The following PCDHGA4 variants were observed in gnomAD, a reference collection of about 807,000 sequenced individuals.
PCDHGA4 encodes the protein protocadherin gamma-A4.
PCDHGA4 carries 38 observed loss-of-function variants against 54.6 expected under a neutral mutation model. That is an observed-to-expected ratio of 0.70 (90% confidence interval 0.54 to 0.91). The LOEUF (loss-of-function observed/expected upper bound fraction) is 0.91. PCDHGA4 is among the 40% of genes least tolerant of loss of function. PCDHGA4 has a pLI of 0.00. For missense variants in PCDHGA4, 1,298 were observed against 1,220.9 expected, an observed-to-expected ratio of 1.06 and a Z score of -0.94; for synonymous variants, 511 against 512.9, an observed-to-expected ratio of 1.00 and a Z score of 0.05.
At chr5:141,508,835 C>T (rs1190105775) in intron 3 of PCDHGA4, among the ~76,000 whole-genome samples, 12 of 152,158 alleles carry the variant, frequency 7.9e-5, no homozygotes, top group African/African-American at 2.9e-4. Flanking sequence ...CCCCCCTCCC[C>T]TACCCCTTCC....
chr5:141,360,270 G>T (rs1761507525), intron 1 of PCDHGA4: 2 of 1,613,904 alleles, frequency 1.2e-6, no homozygotes, highest in African/African-American at 1.3e-5. Flanking sequence ...CCAAAAACTC[G>T]GTCGTAGGAA....
At chr5:141,481,327 T>C (rs2099535776) in intron 1 of PCDHGA4, among the ~76,000 whole-genome samples, 1 of 152,244 alleles carries the variant, frequency 6.6e-6, no homozygotes, top group Non-Finnish European at 1.5e-5. Context: ...CACTAGCCCC[T>C]GGACAACTAT....
rs1046764113 is a variant in PCDHGA4, at chr5:141,495,395, G to A, written c.2573+530G>A. Among the ~76,000 whole-genome samples the A allele has an allele frequency of 4.1e-4, 62 of 152,326 alleles. 1 individual carries two copies. The highest frequency in any genetic ancestry group is 1.4e-3 in the African/African-American group (57 of 41,576). On this transcript the variant is annotated intron_variant, in intron 2 of 3. Transcript: ENST00000571252. Reference sequence around the variant, plus strand: ...GAGGAAGGACTGGGCGGGGCATGGAGCAGGCCCCCTTCTCCGGCCCCTCCT... The same window carrying A: ...GAGGAAGGACTGGGCGGGGCATGGAACAGGCCCCCTTCTCCGGCCCCTCCT...
At chr5:141,437,460 T>C (rs2097886220) in intron 1 of PCDHGA4, among the ~76,000 whole-genome samples, 1 of 152,230 alleles carries the variant, frequency 6.6e-6, no homozygotes, top group South Asian at 2.1e-4. Flanking sequence ...GAGACTATAC[T>C]ATACTTTTAT....
chr5:141,371,704 C>A, intron 1 of PCDHGA4: 1 of 1,614,030 alleles, frequency 6.2e-7, no homozygotes, highest in Non-Finnish European at 8.5e-7. Context: ...TCCAGCAAGA[C>A]CATCACTCTG....
intron 1 of PCDHGA4, chr5:141,390,721 T>G (rs1454628810): frequency 5.1e-6 from 1 of 195,622 alleles, no homozygotes; most frequent in African/African-American, 2.4e-5. Context: ...CTTAACTAAT[T>G]TAACTGGTAT....
rs2099686717 is a variant in PCDHGA4, at chr5:141,489,403, A to C, written c.2515-5404A>C. The C allele has an allele frequency of 6.2e-7, 1 of 1,614,172 alleles. No homozygotes were observed. Among genetic ancestry groups the C allele is most frequent in the East Asian group, 2.2e-5 (1 of 44,884 alleles). On this transcript the variant is annotated intron_variant, in intron 1 of 3. Coordinates refer to ENST00000571252, the MANE Select transcript of PCDHGA4 (RefSeq NM_018917.4). The surrounding 1 kb of genome is among the most constrained non-coding windows in gnomAD (Gnocchi z 4.5). ...GAATGTTGCTCAGGATCTGGGCTTA[A>C]AGATGACAGATCTGTTGAGCCGGCG...
chr5:141,423,996 A>G (rs1164307988), intron 1 of PCDHGA4: 1 of 1,079,028 alleles, frequency 9.3e-7, no homozygotes, highest in African/African-American at 1.7e-5. Context: ...AATTTATTAT[A>G]TATAGATACA....
Position 141,490,140 on chromosome 5 carries a change from G to T in PCDHGA4, c.2515-4667G>T. On this transcript the variant is annotated intron_variant, in intron 1 of 3. Transcript: ENST00000571252. This position sits in a 1 kb window ranked among gnomAD's most constrained non-coding sequence, Gnocchi z 5.4. Reference sequence around the variant, plus strand: ...TCTTTGGCCTAGACCCTAGCAGTGGGGCAATCCATGTGTTGGGTCCCATAG... The same window carrying T: ...TCTTTGGCCTAGACCCTAGCAGTGGTGCAATCCATGTGTTGGGTCCCATAG... 1 of 1,614,206 alleles carries T rather than the reference G, an allele frequency of 6.2e-7. No homozygotes were observed. The highest frequency in any genetic ancestry group is 8.5e-7 in the Non-Finnish European group (1 of 1,180,026).
intron 1 of PCDHGA4, among the ~76,000 whole-genome samples, chr5:141,401,860 A>G (rs2094201565): frequency 6.6e-6 from 1 of 152,182 alleles, no homozygotes. Flanking sequence ...TTAACCTTTC[A>G]GTAGTTTTCT....
At chr5:141,479,986 C>T (rs2099510881) in intron 1 of PCDHGA4, among the ~76,000 whole-genome samples, 1 of 152,200 alleles carries the variant, frequency 6.6e-6, no homozygotes, top group Non-Finnish European at 1.5e-5. Flanking sequence ...CATTTACCAA[C>T]TAGGAGTCTG....
At chr5:141,364,574 G>A (rs184408500) in intron 1 of PCDHGA4, 1 of 1,614,048 alleles carries the variant, frequency 6.2e-7, no homozygotes, top group African/African-American at 1.3e-5. Context: ...CCCGCGAAGC[G>A]GCAGCTTGGT....
intron 1 of PCDHGA4, chr5:141,403,949 G>T: frequency 1.2e-6 from 2 of 1,613,886 alleles, no homozygotes; most frequent in Non-Finnish European, 1.7e-6. Flanking sequence ...GTGGACAAAA[G>T]TGCTCATTTC....
intron 1 of PCDHGA4, chr5:141,476,000 T>A (rs2099383773): frequency 1.6e-6 from 2 of 1,225,380 alleles, no homozygotes; most frequent in African/African-American, 1.5e-5. Flanking sequence ...ATCAACGGCA[T>A]CCAGAAAGCC....
intron 1 of PCDHGA4, chr5:141,387,676 G>C: frequency 2.7e-6 from 2 of 732,232 alleles, no homozygotes; most frequent in Non-Finnish European, 4.3e-6. Context: ...AGATCTCCTC[G>C]CGCAGCCGCA....
intron 1 of PCDHGA4, chr5:141,389,967 G>C: frequency 8.7e-6 from 14 of 1,614,046 alleles, no homozygotes; most frequent in Non-Finnish European, 1.1e-5. Context: ...GGTGGCCTTG[G>C]CCTTGATCTC....
Position 141,456,287 on chromosome 5 carries a change from C to A in PCDHGA4, c.2515-38520C>A, listed in dbSNP as rs951430060. On this transcript the variant is annotated intron_variant, in intron 1 of 3. Transcript: ENST00000571252. ...CTGGCTACTTCCTGCTGAAAAGGGGCGTCTAATGGAGAACAGCAGCTAGGG... is the reference window on the plus strand; with the variant it reads ...CTGGCTACTTCCTGCTGAAAAGGGGAGTCTAATGGAGAACAGCAGCTAGGG... Among the ~76,000 whole-genome samples, 11 of 152,166 alleles carry A rather than the reference C, an allele frequency of 7.2e-5. No individual in the cohort carries two copies. In the East Asian group the frequency reaches 1.9e-3, roughly 27 times the overall value.
intron 1 of PCDHGA4, chr5:141,366,767 C>T (rs1286412324): frequency 5.0e-6 from 8 of 1,601,956 alleles, no homozygotes; most frequent in East Asian, 4.5e-5. Flanking sequence ...TTTTCTCTTT[C>T]GGTAAGGATG....
intron 1 of PCDHGA4, among the ~76,000 whole-genome samples, chr5:141,381,695 T>C (rs1479367517): frequency 6.6e-6 from 1 of 152,164 alleles, no homozygotes; most frequent in Non-Finnish European, 1.5e-5. Flanking sequence ...CAAACAACGA[T>C]TTCTTTCTTT....
Sources: gnomAD v4.1 joint callset for allele counts (sites outside exome capture counted in the v4.1 genomes callset) on GRCh38, gnomAD v4.1.1 for gene constraint, Gnocchi (gnomAD v3.1) non-coding constraint, MANE v1.5 for transcripts, NCBI Gene and HGNC (gene_info 2026-07-23, HGNC 2026-07-21) for gene names.